GRIK3: variants seen among roughly 807,000 people sequenced by gnomAD.
GRIK3 encodes the protein glutamate ionotropic receptor kainate type subunit 3.
GRIK3 carries 29 observed loss-of-function variants against 102.5 expected under a neutral mutation model. The observed-to-expected ratio is 0.28, with a 90% CI of 0.21 to 0.39. The LOEUF (loss-of-function observed/expected upper bound fraction) is 0.39. Ranked by LOEUF, GRIK3 falls within the 10% of genes least tolerant of loss-of-function variation. The pLI, the probability that GRIK3 is intolerant of heterozygous loss-of-function variation, is 1.00. For missense variants in GRIK3, 908 were observed against 1,252.4 expected, an observed-to-expected ratio of 0.73 and a Z score of 4.15; for synonymous variants, 511 against 504.9, an observed-to-expected ratio of 1.01 and a Z score of -0.16.
chr1:36,880,372 G>C lies in GRIK3; in HGVS notation c.550+262C>G, dbSNP rs1408957641. Reference sequence around the variant, plus strand: ...TAGGGTGGGTGTTCAGTGCAGATTTGAACACTTGTGCTGCTAGAGGAGGAG... The same window carrying C: ...TAGGGTGGGTGTTCAGTGCAGATTTCAACACTTGTGCTGCTAGAGGAGGAG... On this transcript the variant is annotated intron_variant, in intron 3 of 15. Coordinates refer to ENST00000373091, the MANE Select transcript of GRIK3 (RefSeq NM_000831.4). The surrounding 1 kb of genome is among the most constrained non-coding windows in gnomAD (Gnocchi z 5.4). 1.3e-5 allele frequency among the ~76,000 whole-genome samples: 2 copies of C among 152,200 alleles called. No homozygotes were observed.
intron 13 of GRIK3, among the ~76,000 whole-genome samples, chr1:36,813,547 C>G (rs1642586296): frequency 6.6e-6 from 1 of 152,204 alleles, no homozygotes; most frequent in Non-Finnish European, 1.5e-5. Context: ...CCCCGCTCCA[C>G]CACTGATCTG....
In GRIK3 at chr1:36,921,112, G is replaced by A. The variant is rs547699564; in HGVS notation, c.116-30016C>T. 7.9e-5 allele frequency among the ~76,000 whole-genome samples: 12 copies of A among 152,368 alleles called. No homozygotes were observed. In the East Asian group the frequency reaches 1.5e-3, roughly 20 times the overall value. On this transcript the variant is annotated intron_variant, in intron 1 of 15. Transcript: ENST00000373091. Reference sequence around the variant, plus strand: ...GAGGGCAAGTCCTGTGGGTGGACACGGATGCCGAAATCTCCTCCTCTGCCA... The same window carrying A: ...GAGGGCAAGTCCTGTGGGTGGACACAGATGCCGAAATCTCCTCCTCTGCCA...
rs565804823 is a variant in GRIK3 at position 36,813,255 on chromosome 1, G to A, written c.2091+3805C>T. Reference sequence around the variant, plus strand: ...AATGGAGATGATAATAACAATCTACGTTCCAGGGCTGTTATTGAGGATGTT... The same window carrying A: ...AATGGAGATGATAATAACAATCTACATTCCAGGGCTGTTATTGAGGATGTT... On this transcript the variant is annotated intron_variant, in intron 13 of 15. Transcript: ENST00000373091. Among the ~76,000 whole-genome samples the A allele has an allele frequency of 9.9e-5, 15 of 152,284 alleles. No individual in the cohort carries two copies. In the East Asian group the frequency reaches 1.3e-3, roughly 14 times the overall value.
intron 1 of GRIK3, among the ~76,000 whole-genome samples, chr1:36,981,930 G>A (rs1393885738): frequency 6.6e-6 from 1 of 152,208 alleles, no homozygotes; most frequent in East Asian, 1.9e-4. Flanking sequence ...AGTCATGTGT[G>A]CGTCTCAGAG....
At chr1:36,975,959 G>C (rs561820814) in intron 1 of GRIK3, among the ~76,000 whole-genome samples, 3 of 152,346 alleles carry the variant, frequency 2.0e-5, no homozygotes, top group South Asian at 4.1e-4. Flanking sequence ...GAGCAGGAAG[G>C]CCTCCTGAAA....
chr1:36,968,220 CGTGTGTGTGTGTGTGTGTGT>C (rs66480824), intron 1 of GRIK3, among the ~76,000 whole-genome samples: 12 of 141,064 alleles, frequency 8.5e-5, no homozygotes, highest in Admixed American at 2.8e-4. Context: ...TCTCTCTCTC[CGTGTGTGTGTGTGTGTGTGT>C]GTGTGTGTGT....
At chr1:36,985,230 C>T (rs1642291896) in intron 1 of GRIK3, among the ~76,000 whole-genome samples, 1 of 152,142 alleles carries the variant, frequency 6.6e-6, no homozygotes, top group Admixed American at 6.5e-5. Context: ...CAGGAAGAGA[C>T]TGAGATGGGG....
chr1:36,941,974 A>G (rs1375582376), intron 1 of GRIK3, among the ~76,000 whole-genome samples: 1 of 152,168 alleles, frequency 6.6e-6, no homozygotes, highest in African/African-American at 2.4e-5. Flanking sequence ...GGCTAACTGC[A>G]GGCCATGGCA....
intron 1 of GRIK3, among the ~76,000 whole-genome samples, chr1:36,969,851 G>A (rs545768542): frequency 6.6e-6 from 1 of 152,334 alleles, no homozygotes; most frequent in Admixed American, 6.5e-5. Context: ...ACCCCATGAG[G>A]ATGCGAATGG....
Position 36,798,155 on chromosome 1 carries a change from G to T in GRIK3, c.*3696C>A, listed in dbSNP as rs1001976890. 6.6e-6 allele frequency: 1 copy of T among 152,360 alleles called. No individual in the cohort carries two copies. Among genetic ancestry groups the T allele is most frequent in the African/African-American group, 2.4e-5 (1 of 41,470 alleles). The allele number at this position is 152,360 out of a possible 1,614,324, so 9.4% of individuals were successfully genotyped here. Reference sequence around the variant, plus strand: ...AGGATTTTCTTCTGTCCAGAGCAGAGAAACCAGCAGCAGGACAAGGGGAGA... The same window carrying T: ...AGGATTTTCTTCTGTCCAGAGCAGATAAACCAGCAGCAGGACAAGGGGAGA... On this transcript the variant is annotated 3_prime_UTR_variant, in exon 16 of 16. Transcript: ENST00000373091.
chr1:36,814,750 A>G (rs1189815959), intron 13 of GRIK3, among the ~76,000 whole-genome samples: 8 of 152,022 alleles, frequency 5.3e-5, no homozygotes, highest in African/African-American at 1.9e-4. Context: ...ACACAGGTCC[A>G]TCTGCCCTCC....
At chr1:37,010,618 C>T (rs72923880) in intron 1 of GRIK3, among the ~76,000 whole-genome samples, 1,598 of 152,244 alleles carry the variant, frequency 0.01, 24 homozygotes, top group African/African-American at 0.036. Context: ...GTGCAGTGTC[C>T]GGCTGTAATG....
At chr1:36,843,466 G>A (rs372529553) in intron 9 of GRIK3, among the ~76,000 whole-genome samples, 28 of 152,318 alleles carry the variant, frequency 1.8e-4, no homozygotes, top group South Asian at 1.2e-3. Context: ...CAGGCTCAGA[G>A]AAGGTCAGTA....
At chr1:36,888,023 C>T (rs762765347) in intron 2 of GRIK3, among the ~76,000 whole-genome samples, 29 of 152,132 alleles carry the variant, frequency 1.9e-4, no homozygotes, top group Non-Finnish European at 3.2e-4. Flanking sequence ...TACTGTGACC[C>T]GCATACTTCC....
chr1:37,013,667 C>T (rs1285700082), intron 1 of GRIK3, among the ~76,000 whole-genome samples: 2 of 152,208 alleles, frequency 1.3e-5, no homozygotes, highest in African/African-American at 2.4e-5. Context: ...GTATCAAGCA[C>T]ATGTTTGGAC....
chr1:36,943,604 TTA>T (rs1641750575), intron 1 of GRIK3, among the ~76,000 whole-genome samples: 1 of 152,210 alleles, frequency 6.6e-6, no homozygotes, highest in South Asian at 2.1e-4. Context: ...CTGGAGATAA[TTA>T]TATGTTAAGA....
intron 11 of GRIK3, among the ~76,000 whole-genome samples, chr1:36,822,617 C>T (rs746779709): frequency 1.2e-4 from 19 of 152,308 alleles, no homozygotes; most frequent in Non-Finnish European, 2.8e-4. Context: ...TGGAGACACT[C>T]TGTCTCCACA....
intron 1 of GRIK3, among the ~76,000 whole-genome samples, chr1:37,007,608 G>A (rs963394325): frequency 6.6e-6 from 1 of 152,246 alleles, no homozygotes; most frequent in Admixed American, 6.5e-5. Flanking sequence ...AATTCCAGAT[G>A]AGGACGCACA....
intron 1 of GRIK3, among the ~76,000 whole-genome samples, chr1:36,970,427 T>A (rs1642128791): frequency 1.3e-5 from 2 of 152,182 alleles, no homozygotes. Context: ...CTCATTCCAA[T>A]CCTCTAATCT....
Sources: allele counts gnomAD v4.1 joint callset (sites outside exome capture counted in the v4.1 genomes callset), GRCh38; gene constraint gnomAD v4.1.1; non-coding constraint Gnocchi (gnomAD v3.1); transcripts MANE v1.5; gene names NCBI Gene and HGNC (gene_info 2026-07-23, HGNC 2026-07-21).